ABHD18: variants seen among roughly 807,000 people sequenced by gnomAD.
The protein encoded by ABHD18 is abhydrolase domain containing 18.
A neutral mutation model predicts 65.9 loss-of-function variants in ABHD18; 55 were observed. The ratio of observed to expected loss-of-function variants is 0.84; its 90% CI spans 0.67 to 1.05. ABHD18 has a LOEUF of 1.05. ABHD18 is among the 50% of genes least tolerant of loss of function. The probability of loss-of-function intolerance (pLI) is 0.00; values close to 1 mark genes in which losing one functional copy is unlikely to be tolerated. For missense variants in ABHD18, 533 were observed against 558.5 expected, an observed-to-expected ratio of 0.95 and a Z score of 0.46; for synonymous variants, 181 against 180.2, an observed-to-expected ratio of 1.00 and a Z score of -0.04.
intron 1 of ABHD18, among the ~76,000 whole-genome samples, chr4:127,973,826 A>AG (rs1747336329): frequency 6.6e-6 from 1 of 150,588 alleles, no homozygotes; most frequent in Non-Finnish European, 1.5e-5. Flanking sequence ...GCAAAAAAAA[A>AG]AAAAAAAAAA....
At chr4:127,997,779 CCTTA>C (rs1751982567) in intron 4 of ABHD18, among the ~76,000 whole-genome samples, 1 of 152,176 alleles carries the variant, frequency 6.6e-6, no homozygotes, top group Non-Finnish European at 1.5e-5. Context: ...CTTCCTCCCT[CCTTA>C]CTTTCTGTTC....
intron 1 of ABHD18, among the ~76,000 whole-genome samples, chr4:127,973,817 CAAAAAAAAAAAAA>C (rs57170719): frequency 2.4e-4 from 4 of 16,610 alleles, no homozygotes; most frequent in South Asian, 2.0e-3. Context: ...TGATGAACAG[CAAAAAAAAAAAAA>C]AAAAAAAAAA....
intron 10 of ABHD18, among the ~76,000 whole-genome samples, chr4:128,027,933 G>T (rs889598799): frequency 6.6e-6 from 1 of 152,098 alleles, no homozygotes; most frequent in East Asian, 1.9e-4. Context: ...TATCTTAGTC[G>T]TGAGTTAAAT....
chr4:127,975,403 A>G (rs1747721814), intron 1 of ABHD18, among the ~76,000 whole-genome samples: 1 of 152,052 alleles, frequency 6.6e-6, no homozygotes, highest in African/African-American at 2.4e-5. Flanking sequence ...ATCATACAAT[A>G]TTTGTCTTTT....
intron 7 of ABHD18, among the ~76,000 whole-genome samples, chr4:128,014,141 G>T (rs551378075): frequency 6.6e-6 from 1 of 151,774 alleles, no homozygotes; most frequent in East Asian, 1.9e-4. Context: ...GCGCCACCAC[G>T]CCCAGCTAAT....
chr4:127,983,565 T>C (rs1194150848), intron 2 of ABHD18, among the ~76,000 whole-genome samples: 1 of 151,992 alleles, frequency 6.6e-6, no homozygotes, highest in Non-Finnish European at 1.5e-5. Context: ...AAACCATCTC[T>C]ACTAAACATA....
intron 6 of ABHD18, among the ~76,000 whole-genome samples, chr4:128,011,238 C>T (rs889254951): frequency 6.6e-6 from 1 of 151,610 alleles, no homozygotes; most frequent in African/African-American, 2.4e-5. Flanking sequence ...GGCTCCGCCC[C>T]CCAGGGTTCA....
chr4:127,979,269 A>G (rs1338891346), intron 1 of ABHD18, among the ~76,000 whole-genome samples: 1 of 152,220 alleles, frequency 6.6e-6, no homozygotes, highest in Non-Finnish European at 1.5e-5. Context: ...AAAAAACACC[A>G]AAAAGGCTGG....
intron 10 of ABHD18, 106 bp from the exon 11 acceptor site, chr4:128,028,369 C>A: frequency 1.2e-6 from 1 of 804,584 alleles, no homozygotes; most frequent in Non-Finnish European, 1.8e-6. Flanking sequence ...TTTTATTTAT[C>A]CATTTATTCA....
chr4:128,013,788 G>A (rs1287485546), intron 7 of ABHD18, among the ~76,000 whole-genome samples: 1 of 152,132 alleles, frequency 6.6e-6, no homozygotes, highest in African/African-American at 2.4e-5. Flanking sequence ...CAGTTGGAAA[G>A]TGCTGGAGAT....
intron 1 of ABHD18, among the ~76,000 whole-genome samples, chr4:127,980,167 A>G (rs1748759962): frequency 6.6e-6 from 1 of 152,170 alleles, no homozygotes; most frequent in Non-Finnish European, 1.5e-5. Context: ...TGAGGGCTTT[A>G]TCCTCATGGA....
intron 11 of ABHD18, among the ~76,000 whole-genome samples, chr4:128,029,939 A>G (rs1757970260): frequency 6.6e-6 from 1 of 152,138 alleles, no homozygotes; most frequent in Non-Finnish European, 1.5e-5. Context: ...CTGAGCTATG[A>G]TTGCACCACT....
chr4:127,976,130 C>T (rs908412524), intron 1 of ABHD18, among the ~76,000 whole-genome samples: 6 of 151,910 alleles, frequency 3.9e-5, no homozygotes, highest in African/African-American at 1.4e-4. Flanking sequence ...TAATTTTAAT[C>T]TAGTGATTTA....
rs143939029 is a variant in ABHD18 at position 128,012,762 on chromosome 4, T to A, written c.470+1062T>A. On this transcript the variant is annotated intron_variant, in intron 7 of 12. Coordinates refer to ENST00000645843, the MANE Select transcript of ABHD18 (RefSeq NM_001358451.3). ...GTCAGGAGGGGAGAGTAGTACAAGA[T>A]GAGGTCAGAAAGATAGGCAAGGGCT... Among the ~76,000 whole-genome samples the A allele has an allele frequency of 8.8e-4, 134 of 151,604 alleles. 3 individuals are homozygous for A. Among genetic ancestry groups the A allele is most frequent in the African/African-American group, 3.0e-3 (124 of 41,334 alleles).
At chr4:128,021,304 G>C (rs889757103) in intron 10 of ABHD18, 66 bp downstream of exon 10, 7 of 951,294 alleles carry the variant, frequency 7.4e-6, no homozygotes, top group African/African-American at 1.7e-5. Flanking sequence ...TAATGATTCA[G>C]GTTTTTAAAG....
At chr4:128,002,023 C>T (rs932733198) in intron 4 of ABHD18, among the ~76,000 whole-genome samples, 7 of 151,990 alleles carry the variant, frequency 4.6e-5, no homozygotes, top group African/African-American at 1.7e-4. Flanking sequence ...GCCTGTAATC[C>T]CAGCACTTTG....
Position 127,982,978 on chromosome 4 carries a change from T to A in ABHD18, c.23T>A (p.Ile8Asn). Reference sequence around the variant, plus strand: ...CTGATGGGTGTGAGCAAGTTAGATATTCTATACCGGAGACTTCTCCTAACA... The same window carrying A: ...CTGATGGGTGTGAGCAAGTTAGATAATCTATACCGGAGACTTCTCCTAACA... MGVSKLD[I>N]LYRRLLLTKL... is the part of the protein sequence containing the mutation. The change falls in exon 2 of 13, where the codon ATT (isoleucine) becomes AAT (asparagine). Residue 8 changes from isoleucine (I) to asparagine (N), a missense_variant. Coordinates refer to ENST00000645843, the MANE Select transcript of ABHD18 (RefSeq NM_001358451.3). 1 of 1,565,594 alleles carries A rather than the reference T, an allele frequency of 6.4e-7. No homozygotes were observed.
intron 2 of ABHD18, among the ~76,000 whole-genome samples, chr4:127,983,757 C>T (rs961193705): frequency 2.3e-4 from 35 of 152,076 alleles, no homozygotes; most frequent in Non-Finnish European, 2.9e-5. Context: ...CCTAGCTACT[C>T]AAGAGGCTGA....
intron 4 of ABHD18, among the ~76,000 whole-genome samples, chr4:127,998,827 A>G (rs1447664337): frequency 6.6e-6 from 1 of 152,134 alleles, no homozygotes; most frequent in Non-Finnish European, 1.5e-5. Context: ...AAATTATATG[A>G]ATTGTCTAAG....
Sources: allele counts gnomAD v4.1 joint callset (sites outside exome capture counted in the v4.1 genomes callset), GRCh38; gene constraint gnomAD v4.1.1; transcripts MANE v1.5; gene names NCBI Gene and HGNC (gene_info 2026-07-23, HGNC 2026-07-21).